The following CERCAM variants were observed in gnomAD, a reference collection of about 807,000 sequenced individuals.
The protein encoded by CERCAM is cerebral endothelial cell adhesion molecule, also known as inactive glycosyltransferase 25 family member 3.
A neutral mutation model predicts 66.0 loss-of-function variants in CERCAM; 59 were observed. That is an observed-to-expected ratio of 0.89 (90% CI 0.73 to 1.11). CERCAM has a LOEUF of 1.11. Among genes scored for constraint, CERCAM ranks in the 50% most tolerant of loss-of-function variants. The pLI, the probability that CERCAM is intolerant of heterozygous loss-of-function variation, is 0.00. For synonymous variants in CERCAM, 318 were observed against 343.6 expected (o/e 0.93, Z 0.83); for missense variants, 840 against 828.3 (o/e 1.01, Z -0.17).
chr9:128,424,378 C>G, intron 4 of CERCAM, 32 bp from the exon 5 acceptor site: 1 of 1,613,204 alleles, frequency 6.2e-7, no homozygotes, highest in Admixed American at 1.7e-5. Flanking sequence ...CAGGGGAGCC[C>G]TCTCACAGCC....
In CERCAM at chr9:128,431,204, C is replaced by T. The variant is rs376980017; in HGVS notation, c.1104C>T (p.Gly368=). 1.7e-5 allele frequency: 28 copies of T among 1,613,988 alleles called. No individual in the cohort carries two copies. The highest frequency in any genetic ancestry group is 1.1e-4 in the African/African-American group (8 of 75,040). The stretch of plus-strand genomic sequence containing the variant: ...ACAGCAGTGCCATCAGGAACCTCGG[C>T]GTAGACCTGCTCCCGGGCTACCAGG... ...MLNSSAIRNL[G]VDLLPGYQDP... is the part of the protein sequence containing the mutation. Residue 368 remains glycine (G), a synonymous_variant, in exon 9 of 13, where the codon GGC becomes GGT. Transcript: ENST00000372838.
At chr9:128,427,349 A>T (rs1833868587) in intron 5 of CERCAM, among the ~76,000 whole-genome samples, 1 of 151,826 alleles carries the variant, frequency 6.6e-6, no homozygotes, top group Non-Finnish European at 1.5e-5. Context: ...CTGACCTCAA[A>T]TGATCTGCCT....
intron 6 of CERCAM, 131 bp from the exon 7 acceptor site, chr9:128,428,626 G>C: frequency 8.7e-7 from 1 of 1,146,206 alleles, no homozygotes; most frequent in Non-Finnish European, 1.3e-6. Context: ...TGGATCCTGT[G>C]ATCTCTGAGG....
At position 128,428,800 on chromosome 9, in the gene CERCAM, C is replaced by G. The variant is rs1281957172; in HGVS notation, c.930C>G (p.Pro310=). 18 of 1,613,924 alleles carry G rather than the reference C, an allele frequency of 1.1e-5. No individual in the cohort carries two copies. The highest frequency in any genetic ancestry group is 1.3e-5 in the African/African-American group (1 of 74,920). The change falls in exon 7 of 13, where the codon CCC becomes CCG. Residue 310 remains proline, a synonymous_variant. Transcript: ENST00000372838. ...RMQASAHVTR[P]SKRPSKIGFD... ...AGGCCTCAGCTCATGTGACTCGGCCCTCTAAGAGGCCCAGCAAGATAGGGT... is the reference window on the plus strand; with the variant it reads ...AGGCCTCAGCTCATGTGACTCGGCCGTCTAAGAGGCCCAGCAAGATAGGGT...
At position 128,435,731 on chromosome 9, in the gene CERCAM, C is replaced by G; in HGVS notation, c.1614C>G (p.His538Gln). 1 of 1,613,702 alleles carries G rather than the reference C, an allele frequency of 6.2e-7. No homozygotes were observed. The highest frequency in any genetic ancestry group is 1.1e-5 in the South Asian group (1 of 90,986). Residue 538 changes from histidine (H) to glutamine (Q), a missense_variant, in exon 12 of 13, where the codon CAC (histidine) becomes CAG (glutamine). Physicochemically the swap from His to Gln is conservative, Grantham distance 24. Coordinates refer to ENST00000372838, the MANE Select transcript of CERCAM (RefSeq NM_016174.5). ...AGCCCCTGCTCGCTGCCCCTACCCA[C>G]TATGCCGGGGACGCCGAGTGGCTCA... ...SAQPLLAAPT[H>Q]YAGDAEWLSD...
rs531311960 is a variant in CERCAM, at chr9:128,433,140, C to T, written c.1204-962C>T. 1.1e-4 allele frequency among the ~76,000 whole-genome samples: 16 copies of T among 152,026 alleles called. No individual in the cohort carries two copies. The East Asian group carries it at 1.7e-3, about 17-fold the overall frequency. On this transcript the variant is annotated intron_variant, in intron 9 of 12. Transcript: ENST00000372838. ...TAAAAATACAAAAAAATTAGCCAGG[C>T]GTGGTGGCGGCGCCTGTAGTCCCAG...
chr9:128,428,392 A>G lies in CERCAM; in HGVS notation c.857A>G (p.Asn286Ser). 6.2e-7 allele frequency: 1 copy of G among 1,614,142 alleles called. No individual in the cohort carries two copies. Among genetic ancestry groups the G allele is most frequent in the Non-Finnish European group, 8.5e-7 (1 of 1,180,012 alleles). ...CAGGGGCTGGAAGACGAGAGGGTCA[A>G]CTTCATCCACCTGATCTTAGAAGCA... ...SHQGLEDERV[N>S]FIHLILEALV... The change falls in exon 6 of 13, where the codon AAC (asparagine) becomes AGC (serine). Residue 286 changes from asparagine (N) to serine (S), a missense_variant. Transcript: ENST00000372838.
Position 128,428,355 on chromosome 9 carries a change from G to A in CERCAM, c.820G>A (p.Val274Met), listed in dbSNP as rs779068801. The A allele has an allele frequency of 1.9e-6, 3 of 1,614,112 alleles. No homozygotes were observed. Among genetic ancestry groups the A allele is most frequent in the African/African-American group, 1.3e-5 (1 of 75,038 alleles). The change falls in exon 6 of 13, where the codon GTG becomes ATG. Residue 274 changes from valine to methionine, a missense_variant. Transcript: ENST00000372838. ...EHRYGYMNVPVKSHQGLEDER... is the reference protein window; with the variant it reads ...EHRYGYMNVPMKSHQGLEDER... ...CCGTTATGGGTACATGAATGTGCCG[G>A]TGAAATCCCACCAGGGGCTGGAAGA... is the stretch of plus-strand genomic sequence containing the variant.
At chr9:128,430,172 T>C (rs1264601187) in intron 8 of CERCAM, among the ~76,000 whole-genome samples, 1 of 152,052 alleles carries the variant, frequency 6.6e-6, no homozygotes, top group African/African-American at 2.4e-5. Context: ...AGGTTATGGA[T>C]GGATCACCTG....
rs372270135 is a variant in CERCAM at position 128,435,892 on chromosome 9, G to A, written c.1775G>A (p.Arg592Gln). Residue 592 changes from arginine (R) to glutamine (Q), a missense_variant, in exon 12 of 13, where the codon CGA (arginine) becomes CAA (glutamine). Physicochemically the swap from Arg to Gln is conservative, Grantham distance 43. Transcript: ENST00000372838. ...SSGHSLQPQP[R>Q]DEL is the part of the protein sequence containing the mutation. ...GGGCACAGCCTCCAACCCCAGCCCC[G>A]AGATGAGCTCTAGGTGAGGCCAGGG... The A allele has an allele frequency of 1.7e-4, 269 of 1,604,850 alleles. No individual in the cohort carries two copies. In the South Asian group the frequency reaches 2.2e-3, roughly 13 times the overall value.
At chr9:128,433,718 G>A (rs1353456803) in intron 9 of CERCAM, among the ~76,000 whole-genome samples, 1 of 152,188 alleles carries the variant, frequency 6.6e-6, no homozygotes, top group Non-Finnish European at 1.5e-5. Flanking sequence ...TCATATCCCA[G>A]CTCTGCCACT....
At chr9:128,429,707 GGGCTCAAGTAAT>G (rs1157618980) in intron 8 of CERCAM, among the ~76,000 whole-genome samples, 10 of 151,914 alleles carry the variant, frequency 6.6e-5, no homozygotes, top group Non-Finnish European at 1.2e-4. Context: ...TTAAACTCCT[GGGCTCAAGTAAT>G]CCTCCCACCT....
At chr9:128,427,212 A>G (rs1333918910) in intron 5 of CERCAM, among the ~76,000 whole-genome samples, 1 of 151,862 alleles carries the variant, frequency 6.6e-6, no homozygotes, top group Non-Finnish European at 1.5e-5. Context: ...TCCCGGGTTC[A>G]AGTGATTCTC....
rs777182218 is a variant in CERCAM at position 128,428,318 on chromosome 9, G to A, written c.783G>A (p.Val261=). The change falls in exon 6 of 13, where the codon GTG becomes GTA. Residue 261 remains valine (V), a synonymous_variant. Transcript: ENST00000372838. ...TCTCTGCAGGGGTCTCCGTCCACGT[G>A]TGCAATGAGCACCGTTATGGGTACA... ...ACQAAGVSVH[V]CNEHRYGYMN... 2 of 1,614,070 alleles carry A rather than the reference G, an allele frequency of 1.2e-6. No individual in the cohort carries two copies. The highest frequency in any genetic ancestry group is 1.3e-5 in the African/African-American group (1 of 75,036).
chr9:128,434,648 A>G lies in CERCAM; in HGVS notation c.1535+35A>G. 1 of 1,583,304 alleles carries G rather than the reference A, an allele frequency of 6.3e-7. No individual in the cohort carries two copies. Among genetic ancestry groups the G allele is most frequent in the Non-Finnish European group, 8.6e-7 (1 of 1,165,756 alleles). ...TGATGGGGGCCGGGCATGGCAGGGCAGAGGCGTCCCCTCCAGGAACTCACC... is the reference window on the plus strand; with the variant it reads ...TGATGGGGGCCGGGCATGGCAGGGCGGAGGCGTCCCCTCCAGGAACTCACC... On this transcript the variant is annotated intron_variant, in intron 11 of 12. Transcript: ENST00000372838. This position sits in a 1 kb window ranked among gnomAD's most constrained non-coding sequence, Gnocchi z 4.5.
At chr9:128,424,309 C>T in intron 4 of CERCAM, 37 bp downstream of exon 4, 1 of 1,612,728 alleles carries the variant, frequency 6.2e-7, no homozygotes, top group Middle Eastern at 1.7e-4. Flanking sequence ...GGACTGAGGT[C>T]CTGGAAGGAG....
In CERCAM at chr9:128,431,233, C is replaced by T. The variant is rs1488172888; in HGVS notation, c.1133C>T (p.Pro378Leu). Residue 378 changes from proline to leucine, a missense_variant, in exon 9 of 13, where the codon CCT becomes CTT. Physicochemically the swap from Pro to Leu is moderately conservative, Grantham distance 98. Transcript: ENST00000372838. Reference protein sequence around the residue: ...GVDLLPGYQDPYSGRTLTKGE... With the variant: ...GVDLLPGYQDLYSGRTLTKGE... Reference sequence around the variant, plus strand: ...GACCTGCTCCCGGGCTACCAGGACCCTTACTCGGGCCGCACTCTGACCAAG... The same window carrying T: ...GACCTGCTCCCGGGCTACCAGGACCTTTACTCGGGCCGCACTCTGACCAAG... The T allele has an allele frequency of 4.3e-6, 7 of 1,613,942 alleles. No individual in the cohort carries two copies. The highest frequency in any genetic ancestry group is 5.9e-6 in the Non-Finnish European group (7 of 1,180,018).
chr9:128,423,227 C>T lies in CERCAM; in HGVS notation c.390C>T (p.Leu130=), dbSNP rs770637398. The T allele has an allele frequency of 6.2e-7, 1 of 1,614,078 alleles. No individual in the cohort carries two copies. The highest frequency in any genetic ancestry group is 8.5e-7 in the Non-Finnish European group (1 of 1,180,020). Residue 130 remains leucine, a synonymous_variant, in exon 3 of 13, where the codon CTC becomes CTT. Coordinates refer to ENST00000372838, the MANE Select transcript of CERCAM (RefSeq NM_016174.5). The part of the protein sequence containing the change: ...QFLMELKQEA[L]TFARNWGADY... Reference sequence around the variant, plus strand: ...TGATGGAGCTGAAGCAGGAAGCCCTCACCTTTGCCAGGAACTGGGGGGCCG... The same window carrying T: ...TGATGGAGCTGAAGCAGGAAGCCCTTACCTTTGCCAGGAACTGGGGGGCCG...
chr9:128,429,178 C>T, intron 8 of CERCAM, 142 bp downstream of exon 8: 1 of 627,234 alleles, frequency 1.6e-6, no homozygotes, highest in South Asian at 2.1e-5. Context: ...TGAGTAATAT[C>T]CTCTCAGGGA....
Sources: gnomAD v4.1 joint callset for allele counts (sites outside exome capture counted in the v4.1 genomes callset) on GRCh38, gnomAD v4.1.1 for gene constraint, Gnocchi (gnomAD v3.1) non-coding constraint, MANE v1.5 for transcripts, NCBI Gene and HGNC (gene_info 2026-07-23, HGNC 2026-07-21) for gene names.